Variants in CELF2 observed in about 807,000 individuals in gnomAD.
CELF2 encodes CUG triplet repeat RNA-binding protein 2.
Under a neutral mutation model 62.6 loss-of-function variants are expected in CELF2, and 8 were observed. The observed-to-expected ratio is 0.13, with a 90% confidence interval of 0.07 to 0.23. The LOEUF is 0.23. CELF2 is among the 10% of genes least tolerant of loss of function. The probability of loss-of-function intolerance (pLI) is 1.00; values close to 1 mark genes in which losing one functional copy is unlikely to be tolerated. For missense variants in CELF2, 333 were observed against 671.0 expected (o/e 0.50, Z 5.56); for synonymous variants, 258 against 250.0 (o/e 1.03, Z -0.30).
At chr10:10,609,367 T>C in the CELF2 span, among the ~76,000 whole-genome samples, 3 of 152,208 alleles carry the variant, frequency 2.0e-5, no homozygotes, top group African/African-American at 7.2e-5. Flanking sequence ...CAATAAGTCA[T>C]AGTGAGGCCG....
At position 11,246,487 on chromosome 10, in the gene CELF2, A is replaced by G. The variant is rs191579700; in HGVS notation, c.355-2666A>G. 1.6e-3 allele frequency among the ~76,000 whole-genome samples: 236 copies of G among 151,984 alleles called. No individual in the cohort carries two copies. Among genetic ancestry groups the G allele is most frequent in the South Asian group, 2.9e-3 (14 of 4,810 alleles). ...CTGTTACCCTCCTCCTTTCCCCTCT[A>G]CTTCCCATGACCAGTTGTTCACTGC... On this transcript the variant is annotated intron_variant, in intron 3 of 12. Coordinates refer to ENST00000633077, the MANE Select transcript of CELF2 (RefSeq NM_001326342.2). This position sits in a 1 kb window ranked among gnomAD's most constrained non-coding sequence, Gnocchi z 4.6.
upstream of CELF2, among the ~76,000 whole-genome samples, chr10:10,794,435 A>G (rs2054023583): frequency 6.6e-6 from 1 of 152,360 alleles, no homozygotes; most frequent in South Asian, 2.1e-4. Flanking sequence ...AGTTTAAAGC[A>G]AGCCGCTCCA....
At chr10:10,656,204 TAA>T in the CELF2 span, among the ~76,000 whole-genome samples, 2 of 149,372 alleles carry the variant, frequency 1.3e-5, no homozygotes, top group African/African-American at 4.9e-5. Flanking sequence ...TGACAATCAT[TAA>T]AAAGTCAGGA....
intron 1 of CELF2, among the ~76,000 whole-genome samples, chr10:11,034,640 A>G (rs2060666937): frequency 6.6e-6 from 1 of 152,144 alleles, no homozygotes; most frequent in Non-Finnish European, 1.5e-5. Context: ...ATCAGCATTC[A>G]TCAAAACTGG....
At chr10:10,514,918 A>C in the CELF2 span, among the ~76,000 whole-genome samples, 1 of 152,222 alleles carries the variant, frequency 6.6e-6, no homozygotes, top group Non-Finnish European at 1.5e-5. Flanking sequence ...CTTACCGTTC[A>C]TCTTCTCATC....
the CELF2 span, among the ~76,000 whole-genome samples, chr10:10,587,099 C>T: frequency 2.6e-5 from 4 of 152,014 alleles, no homozygotes; most frequent in East Asian, 1.9e-4. Context: ...TCCTAGTATC[C>T]GTGTCTTTAA....
In CELF2 at chr10:11,195,066, C is replaced by A. The variant is rs113196768; in HGVS notation, c.272-22359C>A. Among the ~76,000 whole-genome samples, 1,482 of 152,310 alleles carry A rather than the reference C, an allele frequency of 9.7e-3. 21 individuals carry two copies. Among genetic ancestry groups the A allele is most frequent in the Middle Eastern group, 0.065 (19 of 294 alleles). On this transcript the variant is annotated intron_variant, in intron 2 of 12. Coordinates refer to ENST00000633077, the MANE Select transcript of CELF2 (RefSeq NM_001326342.2). ...CTTTCCCTCTATGGTTGAGAAGGAG[C>A]TTCTGAATGCCCTTTTGGAAGCTGT...
At chr10:10,914,640 G>A (rs1046715105) in intron 1 of CELF2, among the ~76,000 whole-genome samples, 1 of 152,072 alleles carries the variant, frequency 6.6e-6, no homozygotes, top group South Asian at 2.1e-4. Flanking sequence ...TCACACCAAC[G>A]ATGGTGTGGT....
In CELF2 at chr10:11,160,841, A is replaced by G. The variant is rs1228666486; in HGVS notation, c.75-4645A>G. The stretch of plus-strand genomic sequence containing the variant: ...AATTTATAGCCATTTGGCAATTCTT[A>G]TAGCCATTTTGTAAGTTTGTTCTTC... On this transcript the variant is annotated intron_variant, in intron 1 of 12. Coordinates refer to ENST00000633077, the MANE Select transcript of CELF2 (RefSeq NM_001326342.2). Among the ~76,000 whole-genome samples, 6 of 152,160 alleles carry G rather than the reference A, an allele frequency of 3.9e-5. No homozygotes were observed. The South Asian group carries it at 8.3e-4, about 21-fold the overall frequency.
chr10:10,974,305 C>G (rs992967717), intron 2 of CELF2, among the ~76,000 whole-genome samples: 3 of 152,242 alleles, frequency 2.0e-5, no homozygotes, highest in African/African-American at 7.2e-5. Context: ...ATAAAAGATA[C>G]AGTGAATTAT....
In CELF2 at chr10:11,146,764, A is replaced by G. The variant is rs2062362871; in HGVS notation, c.75-18722A>G. On this transcript the variant is annotated intron_variant, in intron 1 of 12. Transcript: ENST00000633077. ...CAGAGGCACCTTGACTCTCCCTGTC[A>G]TCAGATAAGTTCATCTTGCATTTGC... 2.0e-5 allele frequency among the ~76,000 whole-genome samples: 3 copies of G among 152,234 alleles called. 1 individual carries two copies. The highest frequency in any genetic ancestry group is 4.1e-4 in the South Asian group (2 of 4,836).
At chr10:10,804,351 A>G (rs1176853783) in intron 1 of CELF2, among the ~76,000 whole-genome samples, 1 of 152,252 alleles carries the variant, frequency 6.6e-6, no homozygotes, top group Non-Finnish European at 1.5e-5. Flanking sequence ...ACTGGGCTGG[A>G]TATGGCCCAG....
At chr10:10,543,938 A>G in the CELF2 span, among the ~76,000 whole-genome samples, 12 of 152,130 alleles carry the variant, frequency 7.9e-5, no homozygotes, top group Admixed American at 7.9e-4. Context: ...CCCTAATGAG[A>G]TATGGCTGAA....
intron 1 of CELF2, among the ~76,000 whole-genome samples, chr10:11,087,851 C>G (rs1391012334): frequency 6.6e-6 from 1 of 152,182 alleles, no homozygotes; most frequent in Non-Finnish European, 1.5e-5. Context: ...TAGGCTTTAT[C>G]AGAACTTCCA....
Position 11,325,817 on chromosome 10 carries a change from C to CT in CELF2, c.1295-10dup, listed in dbSNP as rs3832668. 509 of 1,589,758 alleles carry CT rather than the reference C, an allele frequency of 3.2e-4. No individual in the cohort carries two copies. The highest frequency in any genetic ancestry group is 1.4e-4 in the Non-Finnish European group (169 of 1,170,056). On this transcript the variant is annotated intron_variant, in intron 11 of 12. Coordinates refer to ENST00000633077, the MANE Select transcript of CELF2 (RefSeq NM_001326342.2). ...AGACTCAAGGGATACCTTACTCTGACTTTTTTTTTCCTCCTTAGGTCCAGA... is the reference window on the plus strand; with the variant it reads ...AGACTCAAGGGATACCTTACTCTGACTTTTTTTTTTCCTCCTTAGGTCCAGA...
In CELF2 at chr10:11,280,989, C is replaced by CGTGTGTGTGTGTGTGTGT. The variant is rs60798946; in HGVS notation, c.841+5884_841+5901dup. Among the ~76,000 whole-genome samples, 65 of 144,512 alleles carry CGTGTGTGTGTGTGTGTGT rather than the reference C, an allele frequency of 4.5e-4. No homozygotes were observed. Among genetic ancestry groups the CGTGTGTGTGTGTGTGTGT allele is most frequent in the African/African-American group, 1.1e-3 (41 of 38,954 alleles). 94.8% of individuals were successfully genotyped at this position (144,512 alleles called of 152,430 possible). On this transcript the variant is annotated intron_variant, in intron 8 of 12. Coordinates refer to ENST00000633077, the MANE Select transcript of CELF2 (RefSeq NM_001326342.2). This position sits in a 1 kb window ranked among gnomAD's most constrained non-coding sequence, Gnocchi z 7.6. ...TGGCGTGCGTGTGCATGCCTGTGTG[C>CGTGTGTGTGTGTGTGTGT]GTGTGTGTGTGTGTGTGTGTGTGTG...
chr10:10,964,103 G>T (rs1043061693), intron 2 of CELF2, among the ~76,000 whole-genome samples: 1 of 152,150 alleles, frequency 6.6e-6, no homozygotes, highest in Non-Finnish European at 1.5e-5. Context: ...TAAAAAGGAA[G>T]AGCAGAGCAC....
the CELF2 span, among the ~76,000 whole-genome samples, chr10:10,559,910 A>C: frequency 3.8e-3 from 572 of 152,298 alleles, 1 homozygote; most frequent in African/African-American, 0.013. Context: ...TCGTTATTGA[A>C]TGCAAATTTA....
chr10:10,781,115 G>A, the CELF2 span, among the ~76,000 whole-genome samples: 1 of 152,206 alleles, frequency 6.6e-6, no homozygotes. Context: ...GTATTAATCA[G>A]TGATCTTCAC....
Sources: gnomAD v4.1 joint callset for allele counts (sites outside exome capture counted in the v4.1 genomes callset) on GRCh38, gnomAD v4.1.1 for gene constraint, Gnocchi (gnomAD v3.1) non-coding constraint, MANE v1.5 for transcripts, NCBI Gene and HGNC (gene_info 2026-07-23, HGNC 2026-07-21) for gene names.